Variants in CNTN5 observed in about 807,000 individuals in gnomAD.
CNTN5 encodes contactin 5, also known as contactin-5.
Under a neutral mutation model 129.1 loss-of-function variants are expected in CNTN5, and 77 were observed. The ratio of observed to expected loss-of-function variants is 0.60; its 90% CI spans 0.50 to 0.72. The LOEUF (loss-of-function observed/expected upper bound fraction) is 0.72, where lower values mean the gene tolerates loss of function less well. Ranked by LOEUF, CNTN5 falls within the 30% of genes least tolerant of loss-of-function variation. The pLI, the probability that CNTN5 is intolerant of heterozygous loss-of-function variation, is 0.00. For missense variants in CNTN5, 1,478 were observed against 1,328.8 expected (o/e 1.11, Z -1.75); for synonymous variants, 509 against 465.6 (o/e 1.09, Z -1.20).
chr11:100,116,853 G>A (rs998828292), intron 13 of CNTN5, among the ~76,000 whole-genome samples: 11 of 151,858 alleles, frequency 7.2e-5, no homozygotes, highest in Non-Finnish European at 5.9e-5. Context: ...AGAAAGCATT[G>A]GTATATAGCA....
chr11:99,929,252 C>T (rs777907839), intron 7 of CNTN5, among the ~76,000 whole-genome samples: 2 of 152,198 alleles, frequency 1.3e-5, no homozygotes, highest in Admixed American at 6.5e-5. Context: ...TTTCCCCCAT[C>T]TTTCTGTCTT....
chr11:100,019,817 G>T (rs1357515969), intron 9 of CNTN5, among the ~76,000 whole-genome samples: 1 of 151,694 alleles, frequency 6.6e-6, no homozygotes, highest in African/African-American at 2.4e-5. Flanking sequence ...AATTTATAAG[G>T]GTTCCGTTTT....
rs531928647 is a variant in CNTN5 at position 99,259,276 on chromosome 11, A to G, written c.-209-66070A>G. On this transcript the variant is annotated intron_variant, in intron 1 of 24. Transcript: ENST00000524871. ...CCCCTCTTTTCCATGTAAATAATCTAGTATTTTTCCTCTGCGCCCTTACTT... is the reference window on the plus strand; with the variant it reads ...CCCCTCTTTTCCATGTAAATAATCTGGTATTTTTCCTCTGCGCCCTTACTT... Among the ~76,000 whole-genome samples the G allele has an allele frequency of 1.1e-3, 162 of 151,914 alleles. 2 individuals carry two copies. The highest frequency in any genetic ancestry group is 1.3e-3 in the Admixed American group (20 of 15,182).
chr11:99,781,991 A>G (rs1016286264), intron 3 of CNTN5, among the ~76,000 whole-genome samples: 11 of 151,510 alleles, frequency 7.3e-5, no homozygotes, highest in Admixed American at 1.3e-4. Context: ...ATTAGGCAGG[A>G]GAAGGAAATA....
chr11:100,323,636 T>C (rs1565428750), intron 21 of CNTN5, among the ~76,000 whole-genome samples: 1 of 126,042 alleles, frequency 7.9e-6, no homozygotes, highest in African/African-American at 3.7e-5. Flanking sequence ...TATGTCCTCC[T>C]CCCCCCCCCT....
chr11:99,926,771 A>G (rs1318526119), intron 7 of CNTN5, among the ~76,000 whole-genome samples: 1 of 152,050 alleles, frequency 6.6e-6, no homozygotes, highest in Non-Finnish European at 1.5e-5. Flanking sequence ...AAATTACATA[A>G]GATCTTTATT....
chr11:99,282,014 T>C (rs1160821650), intron 1 of CNTN5, among the ~76,000 whole-genome samples: 1 of 151,478 alleles, frequency 6.6e-6, no homozygotes, highest in Non-Finnish European at 1.5e-5. Flanking sequence ...ATGTTTTGTT[T>C]GTTTTTTTGT....
At chr11:100,088,977 A>G (rs1944654259) in intron 13 of CNTN5, among the ~76,000 whole-genome samples, 1 of 152,098 alleles carries the variant, frequency 6.6e-6, no homozygotes, top group Non-Finnish European at 1.5e-5. Flanking sequence ...AAAACAAAAC[A>G]TTCTCTAAAT....
intron 1 of CNTN5, among the ~76,000 whole-genome samples, chr11:99,182,917 T>C (rs1591324080): frequency 6.6e-6 from 1 of 151,594 alleles, no homozygotes; most frequent in East Asian, 2.0e-4. Flanking sequence ...GGATAGTAGA[T>C]AGCATTAAAA....
At chr11:100,026,352 A>G (rs1010708142) in intron 9 of CNTN5, among the ~76,000 whole-genome samples, 1 of 152,040 alleles carries the variant, frequency 6.6e-6, no homozygotes, top group African/African-American at 2.4e-5. Flanking sequence ...TCCTTTATAA[A>G]TTGCCTAGTC....
chr11:99,782,800 T>C (rs1945360377), intron 3 of CNTN5, among the ~76,000 whole-genome samples: 1 of 151,914 alleles, frequency 6.6e-6, no homozygotes, highest in Admixed American at 6.6e-5. Context: ...ACTGGATCCC[T>C]TCCTTACACC....
At position 100,144,427 on chromosome 11, in the gene CNTN5, G is replaced by A. The variant is rs77764128; in HGVS notation, c.1581-46699G>A. Among the ~76,000 whole-genome samples the A allele has an allele frequency of 1.4e-4, 22 of 151,928 alleles. No individual in the cohort carries two copies. In the East Asian group the frequency reaches 3.7e-3, roughly 25 times the overall value. On this transcript the variant is annotated intron_variant, in intron 13 of 24. Transcript: ENST00000524871. Reference sequence around the variant, plus strand: ...GCTTACTGTTTCCATCTTTATGTCTGTGTGTACCCACTCTTTTGCTCCCAC... The same window carrying A: ...GCTTACTGTTTCCATCTTTATGTCTATGTGTACCCACTCTTTTGCTCCCAC...
intron 1 of CNTN5, among the ~76,000 whole-genome samples, chr11:99,044,883 T>G (rs779125238): frequency 6.6e-6 from 1 of 152,168 alleles, no homozygotes; most frequent in Non-Finnish European, 1.5e-5. Flanking sequence ...CACAACATAG[T>G]GAACAAACAA....
At chr11:99,703,292 G>A (rs1371556359) in intron 3 of CNTN5, among the ~76,000 whole-genome samples, 34 of 138,488 alleles carry the variant, frequency 2.5e-4, no homozygotes, top group Non-Finnish European at 2.3e-4. Flanking sequence ...ATTAAAACAA[G>A]CCATACTGAT....
chr11:99,996,355 T>C (rs1939443135), intron 8 of CNTN5, among the ~76,000 whole-genome samples: 1 of 152,194 alleles, frequency 6.6e-6, no homozygotes, highest in Non-Finnish European at 1.5e-5. Flanking sequence ...TCAAAACCAC[T>C]GTAGCTCCAA....
At chr11:100,323,595 C>A (rs552580511) in intron 21 of CNTN5, among the ~76,000 whole-genome samples, 13 of 152,042 alleles carry the variant, frequency 8.6e-5, no homozygotes, top group Non-Finnish European at 1.5e-4. Flanking sequence ...TCTGTAAGAT[C>A]TGTGGGATAT....
intron 2 of CNTN5, among the ~76,000 whole-genome samples, chr11:99,400,110 C>T (rs1941724621): frequency 6.6e-6 from 1 of 152,022 alleles, no homozygotes. Flanking sequence ...CTTATACATT[C>T]ATTTTAACTC....
At chr11:99,802,132 T>A (rs1946132953) in intron 3 of CNTN5, among the ~76,000 whole-genome samples, 1 of 152,236 alleles carries the variant, frequency 6.6e-6, no homozygotes, top group Non-Finnish European at 1.5e-5. Flanking sequence ...TTGAGTAGAA[T>A]TTTTTGTCTG....
intron 13 of CNTN5, among the ~76,000 whole-genome samples, chr11:100,084,483 A>T (rs1319949195): frequency 1.3e-5 from 2 of 152,150 alleles, no homozygotes; most frequent in African/African-American, 2.4e-5. Context: ...ATAAATCACG[A>T]TGTAATTTAA....
Sources: gnomAD v4.1 joint callset for allele counts (sites outside exome capture counted in the v4.1 genomes callset) on GRCh38, gnomAD v4.1.1 for gene constraint, MANE v1.5 for transcripts, NCBI Gene and HGNC (gene_info 2026-07-23, HGNC 2026-07-21) for gene names.